The following HTR7 variants were observed in gnomAD, a reference collection of about 807,000 sequenced individuals.
The protein encoded by HTR7 is 5-hydroxytryptamine receptor 7.
In HTR7, 16 loss-of-function variants were observed where a neutral mutation model predicts 34.0. The ratio of observed to expected loss-of-function variants is 0.47; its 90% confidence interval spans 0.32 to 0.71. HTR7 has a LOEUF of 0.71. HTR7 is among the 30% of genes least tolerant of loss of function. HTR7 has a pLI of 0.04. For synonymous variants in HTR7, 265 were observed against 260.2 expected, an observed-to-expected ratio of 1.02 and a Z score of -0.18; for missense variants, 504 against 625.5, an observed-to-expected ratio of 0.81 and a Z score of 2.07.
chr10:90,844,807 G>A (rs1007897152), intron 1 of HTR7, among the ~76,000 whole-genome samples: 6 of 146,506 alleles, frequency 4.1e-5, no homozygotes, highest in Non-Finnish European at 8.9e-5. Context: ...TGCACATTGG[G>A]ATCATCTGGA....
chr10:90,848,309 G>A (rs565096230), intron 1 of HTR7, among the ~76,000 whole-genome samples: 124 of 152,176 alleles, frequency 8.1e-4, no homozygotes, highest in African/African-American at 2.7e-3. Flanking sequence ...TGATCTGCCC[G>A]CCTCAGCCTT....
chr10:90,823,476 G>A (rs561031617), intron 1 of HTR7, among the ~76,000 whole-genome samples: 3 of 152,330 alleles, frequency 2.0e-5, no homozygotes, highest in African/African-American at 7.2e-5. Flanking sequence ...TACTATCACA[G>A]TATCTTAGAA....
chr10:90,832,469 G>A (rs369097180), intron 1 of HTR7, among the ~76,000 whole-genome samples: 19 of 152,284 alleles, frequency 1.2e-4, no homozygotes, highest in Non-Finnish European at 2.2e-4. Flanking sequence ...CGGCTGCTCC[G>A]AGTGCGGGCC....
chr10:90,813,649 G>A (rs1424831205), intron 1 of HTR7, among the ~76,000 whole-genome samples: 1 of 152,140 alleles, frequency 6.6e-6, no homozygotes, highest in East Asian at 1.9e-4. Flanking sequence ...AAATCAAGCT[G>A]CAGACATAGA....
At chr10:90,830,339 C>T (rs918178238) in intron 1 of HTR7, among the ~76,000 whole-genome samples, 70 of 152,344 alleles carry the variant, frequency 4.6e-4, no homozygotes, top group African/African-American at 1.6e-3. Flanking sequence ...ACACAAACCA[C>T]TTGCTTACAC....
At chr10:90,835,535 C>G (rs1215398043) in intron 1 of HTR7, among the ~76,000 whole-genome samples, 2 of 152,172 alleles carry the variant, frequency 1.3e-5, no homozygotes, top group Admixed American at 1.3e-4. Flanking sequence ...TATACCAAGA[C>G]CTGATTAAAC....
intron 1 of HTR7, among the ~76,000 whole-genome samples, chr10:90,852,516 A>T (rs1834817786): frequency 1.3e-5 from 2 of 152,242 alleles, no homozygotes; most frequent in African/African-American, 4.8e-5. Flanking sequence ...ATAAATTTAA[A>T]CATATCCACA....
In HTR7 at chr10:90,792,704, C is replaced by G. The variant is rs953227530; in HGVS notation, c.540-43110G>C. 4.6e-5 allele frequency among the ~76,000 whole-genome samples: 7 copies of G among 152,118 alleles called. No homozygotes were observed. In the South Asian group the frequency reaches 1.5e-3, roughly 32 times the overall value. On this transcript the variant is annotated intron_variant, in intron 1 of 3. Transcript: ENST00000336152. The stretch of plus-strand genomic sequence containing the variant: ...CATTACATTGAAAATATACTTTCAG[C>G]TTTCCATTTTTACATCTAAAATGGA...
At chr10:90,755,229 T>G (rs1330645613) in intron 1 of HTR7, among the ~76,000 whole-genome samples, 1 of 152,226 alleles carries the variant, frequency 6.6e-6, no homozygotes, top group Non-Finnish European at 1.5e-5. Context: ...TCATTATGAA[T>G]CATGTTTCCA....
At chr10:90,845,904 T>A (rs1469604599) in intron 1 of HTR7, among the ~76,000 whole-genome samples, 1 of 152,236 alleles carries the variant, frequency 6.6e-6, no homozygotes, top group African/African-American at 2.4e-5. Flanking sequence ...CCTCACCCTC[T>A]GTTCCAATGC....
intron 1 of HTR7, among the ~76,000 whole-genome samples, chr10:90,787,469 G>A (rs149863888): frequency 1.3e-5 from 2 of 152,074 alleles, no homozygotes; most frequent in South Asian, 4.2e-4. Flanking sequence ...TCCAGCCTGG[G>A]TTATGGAGCA....
In HTR7 at chr10:90,857,932, G is replaced by C. The variant is rs1421535058; in HGVS notation, c.-261C>G. Among the ~76,000 whole-genome samples, 2 of 151,288 alleles carry C rather than the reference G, an allele frequency of 1.3e-5. No individual in the cohort carries two copies. Among genetic ancestry groups the C allele is most frequent in the Non-Finnish European group, 3.0e-5 (2 of 67,710 alleles). ...CCCCCGACGGACGCCTGGGACGCGCGGAGTCGAGGGAGCTCGGGCTGGGCT... is the reference window on the plus strand; with the variant it reads ...CCCCCGACGGACGCCTGGGACGCGCCGAGTCGAGGGAGCTCGGGCTGGGCT... On this transcript the variant is annotated 5_prime_UTR_variant, in exon 1 of 4. Transcript: ENST00000336152. The surrounding 1 kb of genome is among the most constrained non-coding windows in gnomAD (Gnocchi z 6.5).
chr10:90,803,864 C>T (rs753436056), intron 1 of HTR7, among the ~76,000 whole-genome samples: 5 of 152,156 alleles, frequency 3.3e-5, no homozygotes, highest in Non-Finnish European at 7.4e-5. Context: ...GAGTCCCTGG[C>T]AAGGGTTCCA....
At chr10:90,792,441 C>A (rs1475738454) in intron 1 of HTR7, among the ~76,000 whole-genome samples, 1 of 151,840 alleles carries the variant, frequency 6.6e-6, no homozygotes, top group East Asian at 1.9e-4. Flanking sequence ...TGATTTATAG[C>A]ATATTATAAA....
rs541368116 is a variant in HTR7 at position 90,834,461 on chromosome 10, C to T, written c.539+22672G>A. Among the ~76,000 whole-genome samples the T allele has an allele frequency of 4.0e-4, 61 of 152,272 alleles. No homozygotes were observed. The South Asian group carries it at 8.1e-3, about 20-fold the overall frequency. Reference sequence around the variant, plus strand: ...TATAACAAACTACTGCAAAACCTTGCGGCTTAAACCACAGCCTTTTATTCA... The same window carrying T: ...TATAACAAACTACTGCAAAACCTTGTGGCTTAAACCACAGCCTTTTATTCA... On this transcript the variant is annotated intron_variant, in intron 1 of 3. Transcript: ENST00000336152.
intron 1 of HTR7, among the ~76,000 whole-genome samples, chr10:90,778,349 G>C (rs1845251929): frequency 6.6e-6 from 1 of 152,186 alleles, no homozygotes; most frequent in African/African-American, 2.4e-5. Context: ...GATTATTATG[G>C]GAGTGGAAGT....
Position 90,741,149 on chromosome 10 carries a change from T to G in HTR7, c.*1333A>C, listed in dbSNP as rs1844535809. On this transcript the variant is annotated 3_prime_UTR_variant, in exon 4 of 4. Transcript: ENST00000336152. ...CCTGTGAGAGGACAGCTTGCTTTAT[T>G]GTAGGAAAATAATATTCTCTTTCAG... 6.6e-6 allele frequency: 1 copy of G among 152,592 alleles called. No individual in the cohort carries two copies. The highest frequency in any genetic ancestry group is 6.5e-5 in the Admixed American group (1 of 15,272). 9.5% of individuals were successfully genotyped at this position (152,592 alleles called of 1,614,324 possible). A position where few individuals can be genotyped will look rare whatever the true frequency, so the allele number is the denominator to read the frequency against.
intron 1 of HTR7, among the ~76,000 whole-genome samples, chr10:90,810,038 C>T (rs989660500): frequency 6.6e-6 from 1 of 152,152 alleles, no homozygotes; most frequent in African/African-American, 2.4e-5. Flanking sequence ...TTTTCAAGGG[C>T]CTGTTTCCCT....
chr10:90,830,093 G>T (rs1163909428), intron 1 of HTR7, among the ~76,000 whole-genome samples: 1 of 152,066 alleles, frequency 6.6e-6, no homozygotes, highest in East Asian at 1.9e-4. Context: ...CCTAAAATTT[G>T]ACAAATATTT....
Sources: gnomAD v4.1 joint callset for allele counts (sites outside exome capture counted in the v4.1 genomes callset) on GRCh38, gnomAD v4.1.1 for gene constraint, Gnocchi (gnomAD v3.1) non-coding constraint, MANE v1.5 for transcripts, NCBI Gene and HGNC (gene_info 2026-07-23, HGNC 2026-07-21) for gene names.